Variants in FAM193A observed in about 807,000 individuals in gnomAD.
The protein encoded by FAM193A is protein FAM193A.
A neutral mutation model predicts 126.5 loss-of-function variants in FAM193A; 22 were observed. The ratio of observed to expected loss-of-function variants is 0.17; its 90% CI spans 0.12 to 0.25. FAM193A has a LOEUF of 0.25. Among genes scored for constraint, FAM193A ranks in the 10% least tolerant of loss-of-function variants. The pLI, the probability that FAM193A is intolerant of heterozygous loss-of-function variation, is 1.00. For synonymous variants in FAM193A, 761 were observed against 646.8 expected (o/e 1.18, Z -2.68); for missense variants, 1,675 against 1,672.8 (o/e 1.00, Z -0.02).
At chr4:2,731,495 T>C (rs1387633280) in intron 20 of FAM193A, among the ~76,000 whole-genome samples, 1 of 152,094 alleles carries the variant, frequency 6.6e-6, no homozygotes, top group Admixed American at 6.6e-5. Flanking sequence ...CTGGGCCTGA[T>C]AATTTAAGGG....
At chr4:2,725,206 A>G (rs1720587123) in intron 20 of FAM193A, among the ~76,000 whole-genome samples, 5 of 151,964 alleles carry the variant, frequency 3.3e-5, no homozygotes, top group Admixed American at 3.3e-4. Context: ...TTAAATTAAA[A>G]ACTATATATA....
intron 19 of FAM193A, among the ~76,000 whole-genome samples, chr4:2,710,229 C>A (rs1287748421): frequency 1.5e-5 from 2 of 130,964 alleles, no homozygotes; most frequent in Non-Finnish European, 3.1e-5. Context: ...GGCTGGCGTG[C>A]AGTGGCGTGT....
At chr4:2,655,139 T>C (rs1231667098) in intron 7 of FAM193A, 4 of 695,642 alleles carry the variant, frequency 5.8e-6, no homozygotes, top group Non-Finnish European at 1.0e-5. Flanking sequence ...TGTGAGTGTT[T>C]CACCATGAAG....
intron 6 of FAM193A, among the ~76,000 whole-genome samples, chr4:2,641,332 C>G (rs1037357196): frequency 6.6e-6 from 1 of 151,916 alleles, no homozygotes; most frequent in African/African-American, 2.4e-5. Flanking sequence ...CAGGCATGAC[C>G]CACCATGCCC....
At position 2,690,745 on chromosome 4, in the gene FAM193A, C is replaced by T. The variant is rs771198461; in HGVS notation, c.2578C>T (p.Leu860Phe). Residue 860 changes from leucine (L) to phenylalanine (F), a missense_variant, in exon 15 of 21, where the codon CTT (leucine) becomes TTT (phenylalanine). Physicochemically the swap from Leu to Phe is conservative, Grantham distance 22. Around this residue, in one of 4 missense-constraint regions of FAM193A, gnomAD observed 1,186 missense variants for 1,109.2 expected, o/e 1.07. Transcript: ENST00000637812. ...PTLSETRPEA[L>F]PPPSSNETPA... ...ACTCTCAGAAACAAGACCGGAAGCCCTTCCACCTCCATCTAGCAATGAAAC... is the reference window on the plus strand; with the variant it reads ...ACTCTCAGAAACAAGACCGGAAGCCTTTCCACCTCCATCTAGCAATGAAAC... The T allele has an allele frequency of 3.1e-6, 5 of 1,614,066 alleles. No homozygotes were observed. Among genetic ancestry groups the T allele is most frequent in the Non-Finnish European group, 3.4e-6 (4 of 1,179,978 alleles).
intron 1 of FAM193A, among the ~76,000 whole-genome samples, chr4:2,553,391 T>G (rs953123148): frequency 3.1e-4 from 47 of 150,144 alleles, no homozygotes; most frequent in Admixed American, 3.3e-4. Context: ...TGTTTTTTTT[T>G]TTTTTTTTGA....
chr4:2,549,662 C>T (rs1386902148), intron 1 of FAM193A, among the ~76,000 whole-genome samples: 2 of 151,962 alleles, frequency 1.3e-5, no homozygotes, highest in Non-Finnish European at 2.9e-5. Flanking sequence ...TCCCAAAGTG[C>T]TGGGATTACA....
chr4:2,700,575 G>A (rs1487895575), intron 19 of FAM193A, 31 bp downstream of exon 19: 3 of 1,584,628 alleles, frequency 1.9e-6, no homozygotes, highest in African/African-American at 2.7e-5. Context: ...AGGTATTTCT[G>A]AGCGATGCCT....
intron 1 of FAM193A, among the ~76,000 whole-genome samples, chr4:2,573,534 C>T (rs1482075118): frequency 2.0e-5 from 3 of 151,514 alleles, no homozygotes; most frequent in Non-Finnish European, 4.4e-5. Context: ...AAAAAAGGTC[C>T]GTGTGTGGAT....
intron 1 of FAM193A, among the ~76,000 whole-genome samples, chr4:2,581,981 T>A (rs945827065): frequency 2.6e-5 from 4 of 152,198 alleles, no homozygotes; most frequent in African/African-American, 7.2e-5. Context: ...AAGATTCTTT[T>A]TCTGGGTATG....
chr4:2,657,398 C>G (rs1181821059), intron 7 of FAM193A, among the ~76,000 whole-genome samples: 1 of 152,128 alleles, frequency 6.6e-6, no homozygotes, highest in Non-Finnish European at 1.5e-5. Context: ...GTCTCATATG[C>G]CTGTTAATAG....
chr4:2,538,367 A>G (rs1382015036), intron 1 of FAM193A, among the ~76,000 whole-genome samples: 1 of 151,830 alleles, frequency 6.6e-6, no homozygotes, highest in Non-Finnish European at 1.5e-5. Flanking sequence ...ATGCCCGGCT[A>G]ATTTTTGTAG....
chr4:2,548,499 C>G (rs1488129129), intron 1 of FAM193A, among the ~76,000 whole-genome samples: 1 of 152,112 alleles, frequency 6.6e-6, no homozygotes, highest in Non-Finnish European at 1.5e-5. Context: ...TTCCGTCACC[C>G]AGGCTGGAGT....
intron 12 of FAM193A, 126 bp from the exon 13 acceptor site, chr4:2,671,995 A>C: frequency 1.0e-6 from 1 of 953,140 alleles, no homozygotes; most frequent in East Asian, 2.5e-5. Context: ...TGGTCAACTC[A>C]GGGTGTCAGG....
intron 13 of FAM193A, 128 bp from the exon 14 acceptor site, chr4:2,689,378 G>A: frequency 1.6e-6 from 1 of 627,326 alleles, no homozygotes; most frequent in Non-Finnish European, 2.7e-6. Context: ...CTCCCCCTGG[G>A]CTGAGCTCAG....
At chr4:2,658,469 G>T (rs889986317) in intron 8 of FAM193A, among the ~76,000 whole-genome samples, 6 of 152,064 alleles carry the variant, frequency 3.9e-5, no homozygotes, top group Admixed American at 3.3e-4. Flanking sequence ...CTGGTCTGGG[G>T]GCCCTTGGCT....
rs771907657 is a variant in FAM193A at position 2,700,366 on chromosome 4, T to G, written c.4194T>G (p.Asn1398Lys). ...AGAGAAAAGTCAACAGTAATAACAA[T>G]AACAAAAAGCAGCTGAACCACATCA... is the stretch of plus-strand genomic sequence containing the variant. The part of the protein sequence containing the change: ...REERKVNSNN[N>K]NKKQLNHIKD... The change falls in exon 19 of 21, where the codon AAT becomes AAG. Residue 1398 changes from asparagine to lysine, a missense_variant. Asn to Lys is a moderately conservative substitution (Grantham distance 94). Coordinates refer to ENST00000637812, the MANE Select transcript of FAM193A (RefSeq NM_001366318.2). 49 of 1,613,578 alleles carry G rather than the reference T, an allele frequency of 3.0e-5. No homozygotes were observed. Among genetic ancestry groups the G allele is most frequent in the Non-Finnish European group, 4.0e-5 (47 of 1,179,958 alleles).
At chr4:2,588,123 C>G (rs2108891023) in intron 1 of FAM193A, among the ~76,000 whole-genome samples, 1 of 152,300 alleles carries the variant, frequency 6.6e-6, no homozygotes, top group Middle Eastern at 3.4e-3. Flanking sequence ...CTTTATACTC[C>G]TCAGCACAGA....
chr4:2,598,355 A>G (rs758751676), intron 2 of FAM193A, among the ~76,000 whole-genome samples: 10 of 152,206 alleles, frequency 6.6e-5, no homozygotes, highest in African/African-American at 1.2e-4. Flanking sequence ...GCATTCACCA[A>G]TTAATTGATG....
Sources: gnomAD v4.1 joint callset for allele counts (sites outside exome capture counted in the v4.1 genomes callset) on GRCh38, gnomAD v4.1.1 for gene constraint, gnomAD v4.1.1 regional missense constraint, MANE v1.5 for transcripts, NCBI Gene and HGNC (gene_info 2026-07-23, HGNC 2026-07-21) for gene names.